Variants in AGTPBP1 observed in about 807,000 individuals in gnomAD.
AGTPBP1 encodes cytosolic carboxypeptidase 1.
Under a neutral mutation model 143.9 loss-of-function variants are expected in AGTPBP1, and 70 were observed. The ratio of observed to expected loss-of-function variants is 0.49; its 90% CI spans 0.40 to 0.59. The LOEUF is 0.59. AGTPBP1 is among the 20% of genes least tolerant of loss of function. The pLI, the probability that AGTPBP1 is intolerant of heterozygous loss-of-function variation, is 0.00. For synonymous variants in AGTPBP1, 463 were observed against 500.2 expected, an observed-to-expected ratio of 0.93 and a Z score of 0.99; for missense variants, 1,229 against 1,464.5, an observed-to-expected ratio of 0.84 and a Z score of 2.62.
At chr9:85,609,433 T>A (rs957803256) in intron 17 of AGTPBP1, among the ~76,000 whole-genome samples, 2 of 151,894 alleles carry the variant, frequency 1.3e-5, no homozygotes, top group African/African-American at 4.8e-5. Context: ...TGGGATTACA[T>A]GCAGGTGCCA....
intron 17 of AGTPBP1, among the ~76,000 whole-genome samples, chr9:85,614,199 A>C (rs1171665670): frequency 1.3e-5 from 2 of 152,086 alleles, no homozygotes; most frequent in African/African-American, 2.4e-5. Context: ...CATTGTTAAA[A>C]TTCTATTCAA....
chr9:85,786,497 C>T, the AGTPBP1 span: 20 of 1,613,788 alleles, frequency 1.2e-5, no homozygotes, highest in Middle Eastern at 1.7e-4. Flanking sequence ...ATCATTGCGA[C>T]GTTCCAGTCT....
intron 24 of AGTPBP1, among the ~76,000 whole-genome samples, chr9:85,577,547 A>C (rs1006890471): frequency 1.3e-5 from 2 of 152,178 alleles, no homozygotes; most frequent in African/African-American, 4.8e-5. Flanking sequence ...TGTAAACTAC[A>C]CTGACTAGAA....
chr9:85,609,922 C>T (rs1263147671), intron 17 of AGTPBP1, among the ~76,000 whole-genome samples: 1 of 152,106 alleles, frequency 6.6e-6, no homozygotes, highest in Non-Finnish European at 1.5e-5. Context: ...CAATGTATAA[C>T]ACTAATTACA....
chr9:85,682,172 TA>T (rs745339958), intron 3 of AGTPBP1, among the ~76,000 whole-genome samples: 12,240 of 85,418 alleles, frequency 0.14, 623 homozygotes, highest in East Asian at 0.43. Flanking sequence ...TAGGATTGGT[TA>T]AAAAAAAAAA....
rs1825787384 is a variant in AGTPBP1, at chr9:85,547,278, G to A, written c.3512C>T (p.Thr1171Ile). 1.2e-6 allele frequency: 2 copies of A among 1,608,808 alleles called. No individual in the cohort carries two copies. The highest frequency in any genetic ancestry group is 1.3e-5 in the African/African-American group (1 of 74,654). The part of the protein sequence containing the change: ...ESSCKVTSPT[T>I]YVLDEDEPRF... ...AGGTTCATCTTCATCCAAGACATAA[G>A]TGGTAGGGCTGCAGCCAAAACACAC... Residue 1171 changes from threonine to isoleucine, a missense_variant, in exon 26 of 26, where the codon ACT becomes ATT. Physicochemically the swap from Thr to Ile is moderately conservative, Grantham distance 89 (BLOSUM62 -1). This residue lies in a region of AGTPBP1 where 486 missense variants were observed against 652.3 expected (regional missense o/e 0.75). Coordinates refer to ENST00000357081, the MANE Select transcript of AGTPBP1 (RefSeq NM_001330701.2).
At chr9:85,557,429 A>G (rs1312599521) in intron 25 of AGTPBP1, among the ~76,000 whole-genome samples, 2 of 152,160 alleles carry the variant, frequency 1.3e-5, no homozygotes, top group Non-Finnish European at 1.5e-5. Flanking sequence ...ACGATTTCCA[A>G]AGTACAAGAA....
At chr9:85,577,180 A>G (rs1453112883) in intron 24 of AGTPBP1, among the ~76,000 whole-genome samples, 2 of 152,220 alleles carry the variant, frequency 1.3e-5, no homozygotes, top group African/African-American at 2.4e-5. Flanking sequence ...CTACTATTGT[A>G]TACTATGGAT....
intron 2 of AGTPBP1, among the ~76,000 whole-genome samples, chr9:85,710,502 C>T (rs1837295623): frequency 6.6e-6 from 1 of 152,086 alleles, no homozygotes. Context: ...TGTAAGTTCT[C>T]TAACACAGTC....
chr9:85,550,063 G>A (rs889471986), intron 25 of AGTPBP1, among the ~76,000 whole-genome samples: 10 of 152,086 alleles, frequency 6.6e-5, no homozygotes, highest in Admixed American at 6.6e-5. Context: ...AGCACACATC[G>A]AGCTATTGTG....
the AGTPBP1 span, among the ~76,000 whole-genome samples, chr9:85,748,997 C>CTTTTT: frequency 7.7e-3 from 733 of 95,416 alleles, 17 homozygotes; most frequent in Non-Finnish European, 0.011. Flanking sequence ...ATCTAGTGCA[C>CTTTTT]TTTTTTTTTT....
chr9:85,549,316 GC>G (rs1417722863), intron 25 of AGTPBP1, among the ~76,000 whole-genome samples: 1 of 152,162 alleles, frequency 6.6e-6, no homozygotes, highest in African/African-American at 2.4e-5. Flanking sequence ...ACAAGAAGTG[GC>G]CAGTGTCTCC....
chr9:85,643,894 C>T (rs1832650705), intron 12 of AGTPBP1, among the ~76,000 whole-genome samples: 1 of 152,056 alleles, frequency 6.6e-6, no homozygotes, highest in African/African-American at 2.4e-5. Context: ...GATAATAATA[C>T]CATTTAATAA....
chr9:85,661,683 G>A (rs888789306), intron 8 of AGTPBP1, among the ~76,000 whole-genome samples: 13 of 152,028 alleles, frequency 8.6e-5, no homozygotes, highest in African/African-American at 2.9e-4. Flanking sequence ...ATCAACTGCC[G>A]TTAATCAGCT....
chr9:85,792,111 G>A, the AGTPBP1 span: 6 of 152,062 alleles, frequency 3.9e-5, no homozygotes. Context: ...AAATGTCCCT[G>A]ATTTTGTCTA....
chr9:85,757,004 TG>T, the AGTPBP1 span, among the ~76,000 whole-genome samples: 1 of 148,678 alleles, frequency 6.7e-6, no homozygotes, highest in Non-Finnish European at 1.5e-5. Context: ...TTCTTTTTTT[TG>T]GGGGGGTGAA....
Position 85,677,531 on chromosome 9 carries a change from A to G in AGTPBP1, c.341T>C (p.Leu114Ser). 1 of 1,601,912 alleles carries G rather than the reference A, an allele frequency of 6.2e-7. No individual in the cohort carries two copies. The highest frequency in any genetic ancestry group is 8.5e-7 in the Non-Finnish European group (1 of 1,174,218). ...FLVTKGGSQI[L>S]LQLLMNASKE... ...GCTGGCATTCATAAGTAACTGCAAC[A>G]ATATTTGTGAACCACCTTTGGTGAC... Residue 114 changes from leucine (L) to serine (S), a missense_variant, in exon 6 of 26, where the codon TTG (leucine) becomes TCG (serine). This residue lies in a region of AGTPBP1 where 743 missense variants were observed against 812.2 expected (regional missense o/e 0.91). Transcript: ENST00000357081.
At chr9:85,697,453 T>G (rs1053227550) in intron 2 of AGTPBP1, among the ~76,000 whole-genome samples, 52 of 132,450 alleles carry the variant, frequency 3.9e-4, no homozygotes, top group Admixed American at 8.2e-4. Context: ...TTGTTTTTTT[T>G]TTTTTTTTTT....
chr9:85,797,619 C>T, the AGTPBP1 span, among the ~76,000 whole-genome samples: 39 of 152,234 alleles, frequency 2.6e-4, no homozygotes, highest in East Asian at 1.5e-3. Flanking sequence ...TTCACCTTCA[C>T]CTAGGGCAGG....
Sources: allele counts gnomAD v4.1 joint callset (sites outside exome capture counted in the v4.1 genomes callset), GRCh38; gene constraint gnomAD v4.1.1; regional missense constraint gnomAD v4.1.1; transcripts MANE v1.5; gene names NCBI Gene and HGNC (gene_info 2026-07-23, HGNC 2026-07-21).